KCNK10: variants seen among roughly 807,000 people sequenced by gnomAD.
The protein encoded by KCNK10 is potassium two pore domain channel subfamily K member 10.
In KCNK10, 25 loss-of-function variants were observed where a neutral mutation model predicts 47.7. That is an observed-to-expected ratio of 0.52 (90% CI 0.38 to 0.73). KCNK10 has a LOEUF of 0.73. Among genes scored for constraint, KCNK10 ranks in the 30% least tolerant of loss-of-function variants. The pLI is 0.00. For missense variants in KCNK10, 563 were observed against 714.5 expected, an observed-to-expected ratio of 0.79 and a Z score of 2.42; for synonymous variants, 303 against 285.6, an observed-to-expected ratio of 1.06 and a Z score of -0.61.
At chr14:88,200,455 G>A (rs1044037214) in intron 4 of KCNK10, among the ~76,000 whole-genome samples, 1 of 152,144 alleles carries the variant, frequency 6.6e-6, no homozygotes, top group Non-Finnish European at 1.5e-5. Context: ...AGCTACGTGT[G>A]TACCTAATTG....
chr14:88,183,756 A>G lies in KCNK10; in HGVS notation c.*1779T>C, dbSNP rs1232354639. ...ACTTCATGTGCTCCAGGCAGGGAAG[A>G]GCTGTGCATTTTTGAGAAATGGGCA... On this transcript the variant is annotated 3_prime_UTR_variant, in exon 7 of 7. Transcript: ENST00000319231. The G allele has an allele frequency of 6.6e-6, 1 of 152,324 alleles. No homozygotes were observed. Among genetic ancestry groups the G allele is most frequent in the Non-Finnish European group, 1.5e-5 (1 of 68,048 alleles). The allele number at this position is 152,324 out of a possible 1,614,324, so 9.4% of individuals were successfully genotyped here.
intron 4 of KCNK10, among the ~76,000 whole-genome samples, chr14:88,212,072 C>T (rs990894045): frequency 1.3e-5 from 2 of 148,610 alleles, no homozygotes; most frequent in African/African-American, 5.0e-5. Context: ...TTGATCCCCA[C>T]ACAACAATAG....
At chr14:88,215,516 A>G (rs1387704291) in intron 4 of KCNK10, among the ~76,000 whole-genome samples, 2 of 152,180 alleles carry the variant, frequency 1.3e-5, no homozygotes, top group African/African-American at 4.8e-5. Context: ...TTCAGATGAG[A>G]TTTGTGTGGG....
At chr14:88,229,177 C>A (rs1191093971) in intron 3 of KCNK10, among the ~76,000 whole-genome samples, 1 of 152,198 alleles carries the variant, frequency 6.6e-6, no homozygotes, top group Non-Finnish European at 1.5e-5. Context: ...CATAGGCAAA[C>A]AAGTGGAGGC....
Position 88,236,568 on chromosome 14 carries a change from T to G in KCNK10, c.520+4135A>C, listed in dbSNP as rs145013874. On this transcript the variant is annotated intron_variant, in intron 3 of 6. Coordinates refer to ENST00000319231, the MANE Select transcript of KCNK10 (RefSeq NM_138317.3). ...ACTATAGAGCTACGACTAAAACAAA[T>G]GCAAATATCAGGGTAACAAATTAAA... 6.6e-3 allele frequency among the ~76,000 whole-genome samples: 999 copies of G among 152,258 alleles called. 10 individuals are homozygous for G. Among genetic ancestry groups the G allele is most frequent in the African/African-American group, 0.023 (957 of 41,552 alleles).
chr14:88,232,619 C>T (rs1028409373), intron 3 of KCNK10, among the ~76,000 whole-genome samples: 1 of 152,174 alleles, frequency 6.6e-6, no homozygotes, highest in African/African-American at 2.4e-5. Context: ...AAATGGTGCT[C>T]AACTTACAAT....
At chr14:88,243,427 G>A (rs754765801) in intron 2 of KCNK10, among the ~76,000 whole-genome samples, 40 of 152,272 alleles carry the variant, frequency 2.6e-4, no homozygotes, top group Non-Finnish European at 4.7e-4. Flanking sequence ...GGCCCAAAGC[G>A]GATGGTTTTG....
chr14:88,261,656 A>C (rs1887114805), intron 2 of KCNK10, among the ~76,000 whole-genome samples: 1 of 152,156 alleles, frequency 6.6e-6, no homozygotes, highest in Non-Finnish European at 1.5e-5. Context: ...CAGGAGACTG[A>C]GGCAGAAGGA....
intron 1 of KCNK10, among the ~76,000 whole-genome samples, chr14:88,298,441 T>C (rs764681903): frequency 2.6e-5 from 4 of 152,212 alleles, no homozygotes; most frequent in Admixed American, 6.5e-5. Context: ...GCGATCATTA[T>C]CTTCTTTCCC....
chr14:88,256,045 C>T (rs944885882), intron 2 of KCNK10, among the ~76,000 whole-genome samples: 3 of 152,194 alleles, frequency 2.0e-5, no homozygotes, highest in Non-Finnish European at 4.4e-5. Context: ...CACACTCCCT[C>T]ACATCTCAGG....
At chr14:88,208,628 T>G (rs1885359173) in intron 4 of KCNK10, among the ~76,000 whole-genome samples, 1 of 152,232 alleles carries the variant, frequency 6.6e-6, no homozygotes, top group Non-Finnish European at 1.5e-5. Flanking sequence ...TTGCTTTTTT[T>G]TTGTTAGCTC....
At chr14:88,309,298 G>A (rs1566721151) in intron 1 of KCNK10, among the ~76,000 whole-genome samples, 1 of 152,168 alleles carries the variant, frequency 6.6e-6, no homozygotes, top group Non-Finnish European at 1.5e-5. Flanking sequence ...ATAGGAGGGA[G>A]AATAGCAAAA....
intron 2 of KCNK10, among the ~76,000 whole-genome samples, chr14:88,256,394 CTG>C (rs1471264691): frequency 1.3e-5 from 2 of 152,178 alleles, no homozygotes; most frequent in Non-Finnish European, 2.9e-5. Context: ...TTCTCTGAAA[CTG>C]TGCCTCAAAC....
rs1422802928 is a variant in KCNK10, at chr14:88,280,377, G to A, written c.53-16826C>T. Among the ~76,000 whole-genome samples, 4 of 151,984 alleles carry A rather than the reference G, an allele frequency of 2.6e-5. No individual in the cohort carries two copies. The East Asian group carries it at 7.7e-4, about 29-fold the overall frequency. On this transcript the variant is annotated intron_variant, in intron 1 of 6. Coordinates refer to ENST00000319231, the MANE Select transcript of KCNK10 (RefSeq NM_138317.3). ...ATACTTCTTCTTCTGCCTAAACACTGGACTTCCGTGGGTTATTTTCTGCAC... is the reference window on the plus strand; with the variant it reads ...ATACTTCTTCTTCTGCCTAAACACTAGACTTCCGTGGGTTATTTTCTGCAC...
intron 6 of KCNK10, 122 bp downstream of exon 6, chr14:88,187,845 C>T: frequency 1.1e-6 from 1 of 918,640 alleles, no homozygotes; most frequent in Admixed American, 2.1e-5. Context: ...CTATGACCCG[C>T]CCCCCGCTCC....
intron 4 of KCNK10, among the ~76,000 whole-genome samples, chr14:88,198,926 T>TTTTATTTTAC (rs1555359844): frequency 1.7e-4 from 26 of 150,908 alleles, no homozygotes; most frequent in African/African-American, 6.3e-4. Flanking sequence ...TTTTATTTTA[T>TTTTATTTTAC]TTTATTTTTT....
At chr14:88,310,180 TGATATA>T (rs1269698795) in intron 1 of KCNK10, among the ~76,000 whole-genome samples, 6,078 of 131,060 alleles carry the variant, frequency 0.046, 1,824 homozygotes, top group Non-Finnish European at 0.054. Context: ...ATATGGTATA[TGATATA>T]CCATATCATA....
At chr14:88,196,935 A>G (rs192166214) in intron 4 of KCNK10, among the ~76,000 whole-genome samples, 51 of 152,350 alleles carry the variant, frequency 3.3e-4, no homozygotes, top group African/African-American at 1.2e-3. Flanking sequence ...TAGCAATTCT[A>G]TAAACTATGA....
intron 1 of KCNK10, among the ~76,000 whole-genome samples, chr14:88,319,276 A>G (rs1447159634): frequency 2.6e-5 from 4 of 152,132 alleles, no homozygotes; most frequent in South Asian, 2.1e-4. Context: ...ATTTTTTGCT[A>G]TTAAATTGTA....
Sources: allele counts gnomAD v4.1 joint callset (sites outside exome capture counted in the v4.1 genomes callset), GRCh38; gene constraint gnomAD v4.1.1; transcripts MANE v1.5; gene names NCBI Gene and HGNC (gene_info 2026-07-23, HGNC 2026-07-21).